Variants in TAC4 observed in about 807,000 individuals in gnomAD.
TAC4 encodes tachykinin precursor 4.
Under a neutral mutation model 17.7 loss-of-function variants are expected in TAC4, and 17 were observed. That is an observed-to-expected ratio of 0.96 (90% CI 0.66 to 1.44). The LOEUF (loss-of-function observed/expected upper bound fraction) is 1.44. TAC4 is among the 40% of genes most tolerant of loss of function. The pLI, the probability that TAC4 is intolerant of heterozygous loss-of-function variation, is 0.00. For missense variants in TAC4, 118 were observed against 125.6 expected, an observed-to-expected ratio of 0.94 and a Z score of 0.29; for synonymous variants, 62 against 52.4, an observed-to-expected ratio of 1.18 and a Z score of -0.79.
intron 1 of TAC4, among the ~76,000 whole-genome samples, chr17:49,845,478 T>C (rs2144051016): frequency 6.6e-6 from 1 of 152,308 alleles, no homozygotes; most frequent in East Asian, 1.9e-4. Context: ...CATGTCTGTA[T>C]CCCCAGCTCC....
chr17:49,841,707 T>C lies in TAC4; in HGVS notation c.200-123A>G, dbSNP rs997974095. The stretch of plus-strand genomic sequence containing the variant: ...TGGTGGGTCTTCAGTAGAATTCTAG[T>C]CATCCCCAGTTATCCTCTGTGGCAG... On this transcript the variant is annotated intron_variant, in intron 2 of 4. Transcript: ENST00000436235. The C allele has an allele frequency of 1.4e-4, 134 of 964,564 alleles. 1 individual carries two copies. The highest frequency in any genetic ancestry group is 2.3e-4 in the Middle Eastern group (1 of 4,378). The allele number at this position is 964,564 out of a possible 1,614,324, so 59.8% of individuals were successfully genotyped here.
At chr17:49,839,025 T>C (rs1220029321) in intron 4 of TAC4, among the ~76,000 whole-genome samples, 2 of 152,134 alleles carry the variant, frequency 1.3e-5, no homozygotes, top group Non-Finnish European at 2.9e-5. Context: ...GGCCAGTAGC[T>C]TTCCATCTCT....
intron 4 of TAC4, 39 bp from the exon 5 acceptor site, chr17:49,838,712 G>A: frequency 6.2e-7 from 1 of 1,603,628 alleles, no homozygotes; most frequent in Non-Finnish European, 8.5e-7. Flanking sequence ...GTTAGTCGGG[G>A]GTCTTGTCTG....
rs201071518 is a variant in TAC4, at chr17:49,844,110, C to A, written c.153G>T (p.Thr51=). The A allele has an allele frequency of 5.5e-5, 89 of 1,613,940 alleles. No homozygotes were observed. Among genetic ancestry groups the A allele is most frequent in the Admixed American group, 1.0e-4 (6 of 60,026 alleles). ...SIQLQLQEVK[T]GKASQFFGLM... is the part of the protein sequence containing the mutation. ...GCCCAAAGAACTGGCTTGCCTTGCC[C>A]GTCTTCACCTCCTGCAGCTGGAGCT... The change falls in exon 2 of 5, where the codon ACG becomes ACT. Residue 51 remains threonine, a synonymous_variant. Transcript: ENST00000436235.
chr17:49,842,566 A>G (rs2074506716), intron 2 of TAC4, among the ~76,000 whole-genome samples: 1 of 152,000 alleles, frequency 6.6e-6, no homozygotes, highest in South Asian at 2.1e-4. Context: ...TCAGTTCAGA[A>G]CTCATTTTGT....
chr17:49,847,922 T>C lies in TAC4; in HGVS notation c.96A>G (p.Ala32=). 1 of 1,614,180 alleles carries C rather than the reference T, an allele frequency of 6.2e-7. No individual in the cohort carries two copies. The highest frequency in any genetic ancestry group is 8.5e-7 in the Non-Finnish European group (1 of 1,180,016). ...GGEEQTLSTE[A]ETWEGAGPSI... is the part of the protein sequence containing the mutation. ...CCAAGGCCACAATTACCCAGGTCTC[T>C]GCTTCAGTGCTGAGTGTCTGTTCCT... Residue 32 remains alanine (A), a synonymous_variant, in exon 1 of 5, where the codon GCA becomes GCG. Coordinates refer to ENST00000436235, the MANE Select transcript of TAC4 (RefSeq NM_001077506.2).
At chr17:49,846,225 C>G in intron 1 of TAC4, 1 of 1,289,108 alleles carries the variant, frequency 7.8e-7, no homozygotes, top group Non-Finnish European at 1.0e-6. Context: ...GTTGGGGGAG[C>G]CCCGAGAGCA....
intron 1 of TAC4, chr17:49,847,205 C>G (rs746282282): frequency 5.1e-5 from 66 of 1,290,124 alleles, no homozygotes; most frequent in South Asian, 3.9e-4. Flanking sequence ...TGTCTGCCCC[C>G]CTGGAAGCCT....
chr17:49,839,024 C>G (rs2074477736), intron 4 of TAC4, among the ~76,000 whole-genome samples: 1 of 152,178 alleles, frequency 6.6e-6, no homozygotes, highest in Non-Finnish European at 1.5e-5. Context: ...GGGCCAGTAG[C>G]TTTCCATCTC....
intron 2 of TAC4, among the ~76,000 whole-genome samples, chr17:49,842,538 AAAG>A (rs991201470): frequency 2.0e-4 from 31 of 152,272 alleles, no homozygotes; most frequent in African/African-American, 6.5e-4. Flanking sequence ...TCAAAAAAAA[AAAG>A]AAGTTTGAAA....
intron 1 of TAC4, chr17:49,847,155 A>G: frequency 7.8e-7 from 1 of 1,289,916 alleles, no homozygotes; most frequent in Non-Finnish European, 1.0e-6. Context: ...CAGTGTCCTT[A>G]CCATCCTGGG....
chr17:49,839,000 C>T (rs965593343), intron 4 of TAC4, among the ~76,000 whole-genome samples: 2 of 152,154 alleles, frequency 1.3e-5, no homozygotes, highest in African/African-American at 4.8e-5. Context: ...GTTATCGGCT[C>T]ACTGTGTGAC....
intron 3 of TAC4, among the ~76,000 whole-genome samples, chr17:49,840,542 G>A (rs1056642478): frequency 1.3e-5 from 2 of 151,914 alleles, no homozygotes; most frequent in African/African-American, 2.4e-5. Context: ...CGCTCTTGTC[G>A]CCCAGCCTGG....
intron 1 of TAC4, among the ~76,000 whole-genome samples, chr17:49,845,552 G>C (rs1345725487): frequency 6.6e-6 from 1 of 152,192 alleles, no homozygotes; most frequent in Non-Finnish European, 1.5e-5. Flanking sequence ...CAAATGAGGA[G>C]TCCTTTCTCT....
chr17:49,843,996 C>A, intron 2 of TAC4, 68 bp downstream of exon 2: 1 of 1,465,100 alleles, frequency 6.8e-7, no homozygotes, highest in Non-Finnish European at 9.6e-7. Flanking sequence ...GACTTAGGGC[C>A]TCTGCTTTAT....
At chr17:49,846,870 A>G (rs2074544661) in intron 1 of TAC4, 1 of 1,059,204 alleles carries the variant, frequency 9.4e-7, no homozygotes, top group African/African-American at 1.7e-5. Flanking sequence ...GGCACTGACT[A>G]TAAAAGCATA....
chr17:49,842,141 T>C (rs1046899501), intron 2 of TAC4, among the ~76,000 whole-genome samples: 7 of 151,642 alleles, frequency 4.6e-5, no homozygotes, highest in Admixed American at 2.0e-4. Context: ...CCTGACCTCA[T>C]GATCTTCCCA....
intron 1 of TAC4, chr17:49,847,690 C>CAT (rs779126054): frequency 9.6e-6 from 3 of 312,676 alleles, no homozygotes; most frequent in African/African-American, 6.3e-5. Flanking sequence ...CACACACACA[C>CAT]AGACACACAC....
At chr17:49,847,686 C>A (rs965388874) in intron 1 of TAC4, 2 of 491,228 alleles carry the variant, frequency 4.1e-6, no homozygotes, top group Non-Finnish European at 6.9e-6. Flanking sequence ...CACACACACA[C>A]ACACAGACAC....
Sources: allele counts gnomAD v4.1 joint callset (sites outside exome capture counted in the v4.1 genomes callset), GRCh38; gene constraint gnomAD v4.1.1; transcripts MANE v1.5; gene names NCBI Gene and HGNC (gene_info 2026-07-23, HGNC 2026-07-21).